SACS: variants seen among roughly 807,000 people sequenced by gnomAD.
SACS encodes the protein sacsin molecular chaperone.
A neutral mutation model predicts 348.0 loss-of-function variants in SACS; 197 were observed. The ratio of observed to expected loss-of-function variants is 0.57; its 90% confidence interval spans 0.50 to 0.64. The LOEUF is 0.64. SACS is among the 30% of genes least tolerant of loss of function. The probability of loss-of-function intolerance (pLI) is 0.00; values close to 1 mark genes in which losing one functional copy is unlikely to be tolerated. For synonymous variants in SACS, 1,985 were observed against 1,910.6 expected (o/e 1.04, Z -1.02); for missense variants, 4,999 against 5,360.8 (o/e 0.93, Z 2.11).
chr13:23,332,128 C>G lies in SACS; in HGVS notation c.11748G>C (p.Leu3916Phe). 1 of 1,613,998 alleles carries G rather than the reference C, an allele frequency of 6.2e-7. No individual in the cohort carries two copies. Among genetic ancestry groups the G allele is most frequent in the Non-Finnish European group, 8.5e-7 (1 of 1,179,962 alleles). The change falls in exon 10 of 10, where the codon TTG becomes TTC. Residue 3916 changes from leucine to phenylalanine, a missense_variant. By Grantham distance (22) the Leu-to-Phe change is conservative. Coordinates refer to ENST00000382292, the MANE Select transcript of SACS (RefSeq NM_014363.6). ...CAAACACTAAGATGCTTGACTTTAC[C>G]AATCTACCATCCTGGCTTGGGAGGT... ...ALYLPSQDGR[L>F]VKSSILVFDD...
At chr13:23,371,815 C>T (rs1207513364) in intron 3 of SACS, among the ~76,000 whole-genome samples, 2 of 152,072 alleles carry the variant, frequency 1.3e-5, no homozygotes, top group Non-Finnish European at 2.9e-5. Context: ...GAATAATCAG[C>T]ACAAAGGGGT....
intron 2 of SACS, among the ~76,000 whole-genome samples, chr13:23,409,016 A>G (rs1873356594): frequency 8.1e-6 from 1 of 123,574 alleles, no homozygotes; most frequent in Non-Finnish European, 1.8e-5. Flanking sequence ...AGGCATATTT[A>G]TGGTCTTAAT....
intron 6 of SACS, 34 bp from the exon 7 acceptor site, chr13:23,358,515 A>G: frequency 6.2e-7 from 1 of 1,612,256 alleles, no homozygotes; most frequent in Non-Finnish European, 8.5e-7. Context: ...GGAATTCAAA[A>G]AAGATACCAG....
chr13:23,426,748 T>C (rs1300189096), intron 1 of SACS, among the ~76,000 whole-genome samples: 2 of 152,110 alleles, frequency 1.3e-5, no homozygotes, highest in Non-Finnish European at 2.9e-5. Context: ...ACACAAGTGG[T>C]TGCATTCTTC....
rs957987343 is a variant in SACS, at chr13:23,419,838, T to C, written c.-501-8098A>G. Among the ~76,000 whole-genome samples, 9 of 152,328 alleles carry C rather than the reference T, an allele frequency of 5.9e-5. No homozygotes were observed. In the East Asian group the frequency reaches 1.3e-3, roughly 23 times the overall value. The stretch of plus-strand genomic sequence containing the variant: ...TATATTCTTTGGGGAGGTGATTTTA[T>C]TGCATTTGGCCAGAGAATATGTGAC... On this transcript the variant is annotated intron_variant, in intron 1 of 9. Transcript: ENST00000382292.
rs758653462 is a variant in SACS at position 23,358,378 on chromosome 13, G to A, written c.561C>T (p.Val187=). The A allele has an allele frequency of 1.4e-5, 23 of 1,613,980 alleles. No homozygotes were observed. Among genetic ancestry groups the A allele is most frequent in the South Asian group, 4.4e-5 (4 of 91,076 alleles). ...AATTAAACCCAATTCCAAATCTTCC[G>A]ACCTTCAGAGGATCATCCTTTTTCC... The part of the protein sequence containing the change: ...RSRKKDDPLK[V]GRFGIGFNSV... The change falls in exon 7 of 10, where the codon GTC becomes GTT. Residue 187 remains valine (V), a synonymous_variant. Coordinates refer to ENST00000382292, the MANE Select transcript of SACS (RefSeq NM_014363.6).
chr13:23,405,755 G>T (rs1454927062), intron 2 of SACS, among the ~76,000 whole-genome samples: 1 of 151,842 alleles, frequency 6.6e-6, no homozygotes, highest in Non-Finnish European at 1.5e-5. Flanking sequence ...CTTCTCAAAA[G>T]AAGATATTTA....
chr13:23,336,682 T>C lies in SACS; in HGVS notation c.7194A>G (p.Glu2398=). Residue 2398 remains glutamate, a synonymous_variant, in exon 10 of 10, where the codon GAA becomes GAG. Coordinates refer to ENST00000382292, the MANE Select transcript of SACS (RefSeq NM_014363.6). ...TVGVRQSCTV[E]DFALVLESID... Reference sequence around the variant, plus strand: ...TAGATTCCAAAACAAGAGCAAAATCTTCAACAGTGCATGACTGCCTCACAC... The same window carrying C: ...TAGATTCCAAAACAAGAGCAAAATCCTCAACAGTGCATGACTGCCTCACAC... 6.2e-7 allele frequency: 1 copy of C among 1,613,942 alleles called. No homozygotes were observed. The highest frequency in any genetic ancestry group is 8.5e-7 in the Non-Finnish European group (1 of 1,179,884).
At chr13:23,401,341 A>G (rs1872970981) in intron 2 of SACS, among the ~76,000 whole-genome samples, 1 of 152,244 alleles carries the variant, frequency 6.6e-6, no homozygotes, top group African/African-American at 2.4e-5. Flanking sequence ...AAAGGAATGC[A>G]ACCACTTGTG....
chr13:23,365,425 C>A, intron 5 of SACS, 148 bp from the exon 6 acceptor site: 1 of 585,648 alleles, frequency 1.7e-6, no homozygotes, highest in Non-Finnish European at 2.9e-6. Context: ...TCTGGTGAGG[C>A]TACTACTGAA....
Position 23,334,206 on chromosome 13 carries a change from G to A in SACS, c.9670C>T (p.Arg3224Ter), listed in dbSNP as rs751568153. ...FADLLSSVLP[R>*]EYKTKSCTKW... The stretch of plus-strand genomic sequence containing the variant: ...GTGCAACTTTTGGTCTTATATTCTC[G>A]AGGCAACACAGAGGATAACAAATCA... The change falls in exon 10 of 10, where the codon CGA becomes TGA. Residue 3224 changes from arginine (R) to a stop codon, truncating the protein, a stop_gained. Coordinates refer to ENST00000382292, the MANE Select transcript of SACS (RefSeq NM_014363.6). LOFTEE classifies it high-confidence loss of function. The A allele has an allele frequency of 7.4e-6, 12 of 1,613,662 alleles. No individual in the cohort carries two copies. The highest frequency in any genetic ancestry group is 1.1e-5 in the South Asian group (1 of 91,056).
intron 2 of SACS, among the ~76,000 whole-genome samples, chr13:23,380,755 C>A (rs1348508191): frequency 6.6e-6 from 1 of 152,180 alleles, no homozygotes; most frequent in Non-Finnish European, 1.5e-5. Context: ...TCTGAACAAG[C>A]TGAAAGCCTT....
intron 9 of SACS, among the ~76,000 whole-genome samples, chr13:23,346,201 A>G (rs1418220274): frequency 6.6e-6 from 1 of 152,222 alleles, no homozygotes; most frequent in Non-Finnish European, 1.5e-5. Flanking sequence ...GCTGGAGCTC[A>G]GTGGCGCGGT....
chr13:23,376,128 G>A (rs1379370681), intron 2 of SACS, among the ~76,000 whole-genome samples: 1 of 152,148 alleles, frequency 6.6e-6, no homozygotes, highest in East Asian at 1.9e-4. Context: ...AGATCAGAAT[G>A]CACATAAATG....
rs1305578930 is a variant in SACS, at chr13:23,337,599, G to A, written c.6277C>T (p.Arg2093Cys). ...GAACAAGGAATACATGGAGTAACAC[G>A]AAGAACTCCCGAGAACTCATCAACT... ...EKVDEFSGVL[R>C]VTPCIPCSLE... Residue 2093 changes from arginine (R) to cysteine (C), a missense_variant, in exon 10 of 10, where the codon CGT (arginine) becomes TGT (cysteine). By Grantham distance (180) the Arg-to-Cys change is radical. Coordinates refer to ENST00000382292, the MANE Select transcript of SACS (RefSeq NM_014363.6). The A allele has an allele frequency of 6.8e-6, 11 of 1,613,694 alleles. No homozygotes were observed. Among genetic ancestry groups the A allele is most frequent in the East Asian group, 2.2e-5 (1 of 44,876 alleles).
chr13:23,387,970 G>A (rs1872363966), intron 2 of SACS, among the ~76,000 whole-genome samples: 1 of 152,166 alleles, frequency 6.6e-6, no homozygotes, highest in Non-Finnish European at 1.5e-5. Context: ...TGTATGCGGT[G>A]AAAAGGAACA....
chr13:23,389,223 A>G (rs926497413), intron 2 of SACS, among the ~76,000 whole-genome samples: 6 of 152,074 alleles, frequency 3.9e-5, no homozygotes, highest in African/African-American at 1.4e-4. Flanking sequence ...GTATATATAT[A>G]GCCTGTGTCT....
chr13:23,389,864 C>T (rs957158659), intron 2 of SACS, among the ~76,000 whole-genome samples: 3 of 152,140 alleles, frequency 2.0e-5, no homozygotes, highest in Non-Finnish European at 4.4e-5. Context: ...GGGGGATGGA[C>T]AAGGGAGCAT....
chr13:23,351,201 A>T (rs1460505252), intron 9 of SACS, among the ~76,000 whole-genome samples: 2 of 152,214 alleles, frequency 1.3e-5, no homozygotes, highest in African/African-American at 2.4e-5. Flanking sequence ...CAAAACATTA[A>T]AACCATTAAT....
Sources: gnomAD v4.1 joint callset for allele counts (sites outside exome capture counted in the v4.1 genomes callset) on GRCh38, gnomAD v4.1.1 for gene constraint, MANE v1.5 for transcripts, NCBI Gene and HGNC (gene_info 2026-07-23, HGNC 2026-07-21) for gene names.